The following NRXN1 variants were observed in gnomAD, a reference collection of about 807,000 sequenced individuals.
NRXN1 encodes neurexin 1.
A neutral mutation model predicts 150.9 loss-of-function variants in NRXN1; 39 were observed. The ratio of observed to expected loss-of-function variants is 0.26; its 90% confidence interval spans 0.20 to 0.34. NRXN1 has a LOEUF of 0.34. Ranked by LOEUF, NRXN1 falls within the 10% of genes least tolerant of loss-of-function variation. The pLI, the probability that NRXN1 is intolerant of heterozygous loss-of-function variation, is 1.00. For missense variants in NRXN1, 1,815 were observed against 1,949.9 expected, an observed-to-expected ratio of 0.93 and a Z score of 1.30; for synonymous variants, 924 against 757.0, an observed-to-expected ratio of 1.22 and a Z score of -3.62.
chr2:50,672,913 C>T (rs940022804), intron 5 of NRXN1, among the ~76,000 whole-genome samples: 1 of 152,034 alleles, frequency 6.6e-6, no homozygotes, highest in Non-Finnish European at 1.5e-5. Context: ...CATATCTTTA[C>T]ATTTGCAAAA....
intron 18 of NRXN1, among the ~76,000 whole-genome samples, chr2:50,184,064 A>T (rs1352919579): frequency 6.6e-6 from 1 of 152,102 alleles, no homozygotes; most frequent in Non-Finnish European, 1.5e-5. Flanking sequence ...ATCTGTAAAA[A>T]GTTCGACAGG....
chr2:49,952,046 A>T (rs12620953), intron 21 of NRXN1, among the ~76,000 whole-genome samples: 26,703 of 151,852 alleles, frequency 0.18, 2,927 homozygotes, highest in Non-Finnish European at 0.24. Flanking sequence ...TCTTCATTTT[A>T]CATATTGGGA....
chr2:50,614,712 AT>A (rs1678774051), intron 8 of NRXN1, among the ~76,000 whole-genome samples: 1 of 127,948 alleles, frequency 7.8e-6, no homozygotes. Context: ...AGATTAACCT[AT>A]TAAACTAATA....
chr2:50,480,330 C>T (rs1452675349), intron 15 of NRXN1, among the ~76,000 whole-genome samples: 2 of 152,072 alleles, frequency 1.3e-5, no homozygotes, highest in African/African-American at 2.4e-5. Flanking sequence ...AAAATATGTA[C>T]AAAAATCTTT....
At chr2:50,185,030 C>A (rs565632324) in intron 18 of NRXN1, among the ~76,000 whole-genome samples, 2 of 152,014 alleles carry the variant, frequency 1.3e-5, no homozygotes, top group Non-Finnish European at 2.9e-5. Flanking sequence ...CAAACTTGCC[C>A]AGGTAGTGTG....
intron 5 of NRXN1, among the ~76,000 whole-genome samples, chr2:50,830,644 T>G (rs1353933807): frequency 6.6e-6 from 1 of 151,310 alleles, no homozygotes; most frequent in Non-Finnish European, 1.5e-5. Context: ...AGTTCCCTGT[T>G]CTGTCAGAAC....
chr2:50,521,957 T>C (rs1449284290), intron 12 of NRXN1, among the ~76,000 whole-genome samples: 1 of 152,044 alleles, frequency 6.6e-6, no homozygotes, highest in Non-Finnish European at 1.5e-5. Flanking sequence ...ATAGATTCAC[T>C]AGATTCTCTT....
At chr2:50,275,831 AAT>A (rs2152926961) in intron 17 of NRXN1, among the ~76,000 whole-genome samples, 1 of 152,252 alleles carries the variant, frequency 6.6e-6, no homozygotes, top group East Asian at 1.9e-4. Flanking sequence ...CGTAGTTATC[AAT>A]AGAACATAGT....
At chr2:50,190,886 T>A (rs562266840) in intron 18 of NRXN1, among the ~76,000 whole-genome samples, 2 of 152,220 alleles carry the variant, frequency 1.3e-5, no homozygotes, top group Non-Finnish European at 1.5e-5. Flanking sequence ...GTGCTGGGAT[T>A]ACAGGCATGA....
intron 10 of NRXN1, among the ~76,000 whole-genome samples, chr2:50,534,914 G>C (rs931360021): frequency 6.6e-6 from 1 of 152,038 alleles, no homozygotes; most frequent in African/African-American, 2.4e-5. Flanking sequence ...ATACAACCCA[G>C]AGAAAAAAAT....
intron 17 of NRXN1, among the ~76,000 whole-genome samples, chr2:50,373,796 A>T (rs892957292): frequency 2.6e-5 from 4 of 152,118 alleles, no homozygotes; most frequent in African/African-American, 9.7e-5. Flanking sequence ...GGATGGTATT[A>T]AAATCATTTG....
rs1425311017 is a variant in NRXN1, at chr2:50,347,519, G to T, written c.3365-110549C>A. ...CCCTCCATTCAGCCCCGGCCGGCTC[G>T]CCCGCTAGCGCCAGCCTCCCCCGGG... is the stretch of plus-strand genomic sequence containing the variant. On this transcript the variant is annotated intron_variant, in intron 17 of 22. Coordinates refer to ENST00000401669, the MANE Select transcript of NRXN1 (RefSeq NM_001330078.2). This position sits in a 1 kb window ranked among gnomAD's most constrained non-coding sequence, Gnocchi z 4.9. 8 of 1,043,292 alleles carry T rather than the reference G, an allele frequency of 7.7e-6. No individual in the cohort carries two copies. The highest frequency in any genetic ancestry group is 9.3e-6 in the Non-Finnish European group (8 of 864,388). 64.6% of individuals were successfully genotyped at this position (1,043,292 alleles called of 1,614,324 possible).
chr2:50,402,538 T>A (rs1301593934), intron 17 of NRXN1, among the ~76,000 whole-genome samples: 1 of 152,062 alleles, frequency 6.6e-6, no homozygotes, highest in African/African-American at 2.4e-5. Context: ...TCCTATGCCA[T>A]AGTGTCCCCT....
At chr2:50,447,721 AG>A (rs200781049) in intron 17 of NRXN1, among the ~76,000 whole-genome samples, 1,625 of 123,738 alleles carry the variant, frequency 0.013, 66 homozygotes, top group East Asian at 0.057. Context: ...AAAATCACAT[AG>A]TAAGCAGGGG....
At chr2:50,528,171 G>C (rs2093005713) in intron 12 of NRXN1, among the ~76,000 whole-genome samples, 1 of 152,024 alleles carries the variant, frequency 6.6e-6, no homozygotes. Context: ...TTTTAGACGA[G>C]TAATTTTCTA....
intron 19 of NRXN1, among the ~76,000 whole-genome samples, chr2:50,062,345 G>C (rs148360925): frequency 2.0e-5 from 3 of 152,050 alleles, no homozygotes; most frequent in South Asian, 2.1e-4. Flanking sequence ...TCTGTGATAC[G>C]AGGATACAAT....
chr2:50,023,044 G>A (rs185548978), intron 21 of NRXN1: 1 of 152,286 alleles, frequency 6.6e-6, no homozygotes, highest in African/African-American at 2.4e-5. Flanking sequence ...CTGATACCCA[G>A]GGAAGAAACA....
chr2:50,555,689 T>C (rs1392844665), intron 8 of NRXN1, among the ~76,000 whole-genome samples: 2 of 152,224 alleles, frequency 1.3e-5, no homozygotes, highest in Non-Finnish European at 2.9e-5. Context: ...TTCTAGATTA[T>C]AGGCTTTTGT....
intron 18 of NRXN1, among the ~76,000 whole-genome samples, chr2:50,227,338 A>T (rs1489798354): frequency 6.6e-6 from 1 of 152,022 alleles, no homozygotes; most frequent in East Asian, 1.9e-4. Context: ...TACTTAAAGA[A>T]TACTATGAGG....
Sources: allele counts gnomAD v4.1 joint callset (sites outside exome capture counted in the v4.1 genomes callset), GRCh38; gene constraint gnomAD v4.1.1; non-coding constraint Gnocchi (gnomAD v3.1); transcripts MANE v1.5; gene names NCBI Gene and HGNC (gene_info 2026-07-23, HGNC 2026-07-21).